Variants in DMD observed in about 807,000 individuals in gnomAD.
DMD encodes dystrophin.
Under a neutral mutation model 330.1 loss-of-function variants are expected in DMD, and 63 were observed. The observed-to-expected ratio is 0.19, with a 90% CI of 0.16 to 0.24. DMD has a LOEUF of 0.24. Ranked by LOEUF, DMD falls within the 10% of genes least tolerant of loss-of-function variation. The probability of loss-of-function intolerance (pLI) is 1.00; values close to 1 mark genes in which losing one functional copy is unlikely to be tolerated. For missense variants in DMD, 3,344 were observed against 2,684.1 expected (o/e 1.25, Z -5.43); for synonymous variants, 1,223 against 959.8 (o/e 1.27, Z -5.07).
intron 76 of DMD, among the ~76,000 whole-genome samples, chrX:31,135,790 T>A (rs1161830850): frequency 4.4e-5 from 5 of 112,588 alleles, no homozygotes; most frequent in Non-Finnish European, 9.4e-5. Flanking sequence ...CAAGCTCTGT[T>A]TGTTTTGCAC....
chrX:31,196,046 T>C (rs2042850019), intron 67 of DMD, among the ~76,000 whole-genome samples: 1 of 111,903 alleles, frequency 8.9e-6, no homozygotes, highest in Non-Finnish European at 1.9e-5. Flanking sequence ...ATTACTCCAA[T>C]AGAGAAGTTA....
Position 31,690,088 on chromosome X carries a change from G to C in DMD, c.7661-10502C>G, listed in dbSNP as rs186925059. On this transcript the variant is annotated intron_variant, in intron 52 of 78. Coordinates refer to ENST00000357033, the MANE Select transcript of DMD (RefSeq NM_004006.3). The stretch of plus-strand genomic sequence containing the variant: ...GGACTTCATGTCTAAAACACCAAAA[G>C]CAATGGCAACAAAAGCCAAAACGGA... 4.8e-3 allele frequency among the ~76,000 whole-genome samples: 540 copies of C among 111,964 alleles called. 3 individuals are homozygous for C. Among genetic ancestry groups the C allele is most frequent in the Admixed American group, 7.9e-3 (83 of 10,571 alleles).
intron 4 of DMD, among the ~76,000 whole-genome samples, chrX:32,832,902 G>A (rs1008624065): frequency 3.6e-5 from 4 of 110,819 alleles, no homozygotes; most frequent in Non-Finnish European, 5.7e-5. Context: ...CCTTATCTCC[G>A]TATTTCAAGA....
intron 7 of DMD, among the ~76,000 whole-genome samples, chrX:32,742,379 C>G (rs1257825841): frequency 9.0e-6 from 1 of 111,679 alleles, no homozygotes; most frequent in Non-Finnish European, 1.9e-5. Context: ...CTAAGGATTC[C>G]ATGAGAACAA....
chrX:32,835,940 T>C (rs1467429827), intron 4 of DMD, among the ~76,000 whole-genome samples: 1 of 111,369 alleles, frequency 9.0e-6, no homozygotes, highest in Non-Finnish European at 1.9e-5. Flanking sequence ...TTTCTTTTCA[T>C]AGGTTTATAG....
At chrX:31,956,511 G>C (rs1273074273) in intron 45 of DMD, among the ~76,000 whole-genome samples, 2 of 111,562 alleles carry the variant, frequency 1.8e-5, no homozygotes, top group Non-Finnish European at 3.8e-5. Context: ...GAATTACATA[G>C]AGAGGTAAGA....
intron 7 of DMD, among the ~76,000 whole-genome samples, chrX:32,700,337 C>T (rs746912709): frequency 9.0e-6 from 1 of 111,122 alleles, no homozygotes; most frequent in Admixed American, 9.6e-5. Context: ...ACCACATGAT[C>T]TCACTAACAC....
chrX:33,242,058 G>A (rs775063641), intron 1 of DMD, among the ~76,000 whole-genome samples: 3 of 111,897 alleles, frequency 2.7e-5, no homozygotes, highest in Non-Finnish European at 5.6e-5. Context: ...CACCGTGCCC[G>A]GCCAGTTCCT....
Position 31,526,372 on chromosome X carries a change from C to T in DMD, c.8218-18919G>A, listed in dbSNP as rs1219064067. 4.5e-5 allele frequency among the ~76,000 whole-genome samples: 5 copies of T among 111,974 alleles called. No individual in the cohort carries two copies. In the South Asian group the frequency reaches 1.1e-3, roughly 25 times the overall value. ...TAAAATAAGTAAAAGCAATCCCCAA[C>T]TTACAAAGAGTTCTCTAACCAAAAA... On this transcript the variant is annotated intron_variant, in intron 55 of 78. Transcript: ENST00000357033.
intron 44 of DMD, among the ~76,000 whole-genome samples, chrX:32,085,627 TAC>T (rs1557121483): frequency 1.5e-5 from 1 of 64,983 alleles, no homozygotes; most frequent in African/African-American, 5.6e-5. Context: ...CGTATATATA[TAC>T]ACATATATAC....
chrX:32,697,754 C>T lies in DMD; in HGVS notation c.960+116G>A. The T allele has an allele frequency of 3.9e-6, 4 of 1,037,461 alleles. No homozygotes were observed. The South Asian group carries it at 6.1e-5, about 16-fold the overall frequency. 85.5% of individuals were successfully genotyped at this position (1,037,461 alleles called of 1,213,427 possible). On this transcript the variant is annotated intron_variant, in intron 9 of 78. Coordinates refer to ENST00000357033, the MANE Select transcript of DMD (RefSeq NM_004006.3). ...AATCAATAAAACTTGGAAAAACAAA[C>T]CAGCTCTTCACGAGGAGATAAAAGG...
chrX:31,694,996 C>T (rs2083365844), intron 52 of DMD, among the ~76,000 whole-genome samples: 1 of 110,953 alleles, frequency 9.0e-6, no homozygotes, highest in Non-Finnish European at 1.9e-5. Flanking sequence ...CTGTTCACAA[C>T]AGGCAAGATT....
intron 53 of DMD, among the ~76,000 whole-genome samples, chrX:31,666,657 C>T (rs1442159643): frequency 1.8e-5 from 2 of 111,849 alleles, no homozygotes; most frequent in African/African-American, 6.5e-5. Context: ...AAATAGGAAG[C>T]CACATAAATG....
At chrX:33,105,527 T>C (rs920340153) in intron 1 of DMD, among the ~76,000 whole-genome samples, 2 of 112,291 alleles carry the variant, frequency 1.8e-5, no homozygotes, top group African/African-American at 6.5e-5. Flanking sequence ...GCAAACTGCA[T>C]CTGACAACTG....
At chrX:32,680,375 G>A (rs937272883) in intron 9 of DMD, among the ~76,000 whole-genome samples, 1 of 110,003 alleles carries the variant, frequency 9.1e-6, no homozygotes, top group Non-Finnish European at 1.9e-5. Context: ...TTTTTCAAAG[G>A]CCTGACGTTT....
At chrX:31,309,517 A>G (rs1055346702) in intron 62 of DMD, among the ~76,000 whole-genome samples, 7 of 111,712 alleles carry the variant, frequency 6.3e-5, no homozygotes, top group Non-Finnish European at 1.3e-4. Flanking sequence ...CCTCTTGCTC[A>G]TGGCAAAGAT....
intron 60 of DMD, among the ~76,000 whole-genome samples, chrX:31,392,681 T>A (rs192258995): frequency 1.5e-3 from 173 of 112,529 alleles, no homozygotes; most frequent in African/African-American, 5.0e-3. Flanking sequence ...ACTTGAAGGC[T>A]AAACTGTAAG....
intron 1 of DMD, among the ~76,000 whole-genome samples, chrX:33,177,846 C>T (rs948596960): frequency 8.1e-5 from 9 of 111,636 alleles, no homozygotes; most frequent in Non-Finnish European, 1.5e-4. Context: ...CTGTTGACAA[C>T]GGGAAATATT....
At chrX:32,446,016 T>C (rs192917155) in intron 27 of DMD, among the ~76,000 whole-genome samples, 2 of 109,992 alleles carry the variant, frequency 1.8e-5, no homozygotes, top group South Asian at 7.5e-4. Flanking sequence ...ATTGAGCAGA[T>C]AGAGATAAGA....
Sources: allele counts gnomAD v4.1 joint callset (sites outside exome capture counted in the v4.1 genomes callset), GRCh38; gene constraint gnomAD v4.1.1; transcripts MANE v1.5; gene names NCBI Gene and HGNC (gene_info 2026-07-23, HGNC 2026-07-21).